NR6A1: variants seen among roughly 807,000 people sequenced by gnomAD.
NR6A1 encodes the protein nuclear receptor subfamily 6 group A member 1.
In NR6A1, 7 loss-of-function variants were observed where a neutral mutation model predicts 59.1. The observed-to-expected ratio is 0.12, with a 90% CI of 0.07 to 0.22. NR6A1 has a LOEUF of 0.22. NR6A1 is among the 10% of genes least tolerant of loss of function. The pLI is 1.00. For missense variants in NR6A1, 468 were observed against 611.6 expected, an observed-to-expected ratio of 0.77 and a Z score of 2.48; for synonymous variants, 243 against 236.1, an observed-to-expected ratio of 1.03 and a Z score of -0.27.
At position 124,738,169 on chromosome 9, in the gene NR6A1, G is replaced by C. The variant is rs556646962; in HGVS notation, c.101-4820C>G. Among the ~76,000 whole-genome samples, 8 of 151,954 alleles carry C rather than the reference G, an allele frequency of 5.3e-5. No individual in the cohort carries two copies. The East Asian group carries it at 1.6e-3, about 30-fold the overall frequency. On this transcript the variant is annotated intron_variant, in intron 1 of 9. Coordinates refer to ENST00000487099, the MANE Select transcript of NR6A1 (RefSeq NM_033334.4). ...CTCAGGAGGCTGAGGCAAGAGAATA[G>C]CTTTAACCTGGGAGGCGGAGGTTGC...
chr9:124,535,849 G>T lies in NR6A1; in HGVS notation c.1079+29C>A, dbSNP rs766364084. 3.1e-6 allele frequency: 5 copies of T among 1,611,938 alleles called. No homozygotes were observed. The Admixed American group carries it at 5.0e-5, about 16-fold the overall frequency. ...GGGATGACAATTGTTTGGTTGTTTG[G>T]TATTTCCTCCCCAGCCAGGAGGCCT... is the stretch of plus-strand genomic sequence containing the variant. On this transcript the variant is annotated intron_variant, in intron 7 of 9. Coordinates refer to ENST00000487099, the MANE Select transcript of NR6A1 (RefSeq NM_033334.4).
At chr9:124,561,346 G>A (rs1834079167) in intron 2 of NR6A1, among the ~76,000 whole-genome samples, 2 of 151,982 alleles carry the variant, frequency 1.3e-5, no homozygotes, top group South Asian at 4.2e-4. Flanking sequence ...GCTGAGGTAG[G>A]AGTATCACCT....
At chr9:124,701,927 G>A (rs2131049689) in intron 2 of NR6A1, among the ~76,000 whole-genome samples, 1 of 152,220 alleles carries the variant, frequency 6.6e-6, no homozygotes, top group Middle Eastern at 3.4e-3. Context: ...GTTTCACTAT[G>A]TTGGCCAGGC....
At chr9:124,622,412 A>G (rs1162053365) in intron 2 of NR6A1, among the ~76,000 whole-genome samples, 2 of 152,214 alleles carry the variant, frequency 1.3e-5, no homozygotes, top group Non-Finnish European at 1.5e-5. Flanking sequence ...GCAAAACAGC[A>G]AAGTTTCTTT....
intron 1 of NR6A1, among the ~76,000 whole-genome samples, chr9:124,762,615 T>A (rs61134436): frequency 0.018 from 2,762 of 152,306 alleles, 77 homozygotes; most frequent in African/African-American, 0.062. Flanking sequence ...AAAGGTTAGT[T>A]CAGTGTGAGT....
intron 9 of NR6A1, 107 bp downstream of exon 9, chr9:124,524,614 G>A: frequency 3.9e-6 from 5 of 1,280,990 alleles, no homozygotes; most frequent in Non-Finnish European, 5.4e-6. Context: ...CTTTCATGCA[G>A]TTGGTGATGG....
At chr9:124,707,079 A>G (rs972527493) in intron 2 of NR6A1, among the ~76,000 whole-genome samples, 4 of 151,800 alleles carry the variant, frequency 2.6e-5, no homozygotes, top group African/African-American at 9.7e-5. Flanking sequence ...TTTTGCCATT[A>G]TTTCTTCTAA....
intron 2 of NR6A1, among the ~76,000 whole-genome samples, chr9:124,666,909 A>G (rs888285706): frequency 6.6e-6 from 1 of 152,046 alleles, no homozygotes; most frequent in Non-Finnish European, 1.5e-5. Context: ...GGGAAATAAT[A>G]CCACTTTATA....
At chr9:124,655,136 A>G (rs1046372536) in intron 2 of NR6A1, among the ~76,000 whole-genome samples, 6 of 152,304 alleles carry the variant, frequency 3.9e-5, no homozygotes, top group Admixed American at 6.5e-5. Context: ...TTCATGAGCC[A>G]TATCAGAAGG....
chr9:124,526,776 C>A lies in NR6A1; in HGVS notation c.1201+3G>T, dbSNP rs1832950325. ...CGTCCCTTTTCCCACCCCAGCCACT[C>A]ACCTTGATTTAGGAAGTTAATTGCT... is the stretch of plus-strand genomic sequence containing the variant. On this transcript the variant is annotated splice_donor_region_variant and intron_variant, in intron 8 of 9. Transcript: ENST00000487099. 6.2e-7 allele frequency: 1 copy of A among 1,613,160 alleles called. No individual in the cohort carries two copies. Among genetic ancestry groups the A allele is most frequent in the Non-Finnish European group, 8.5e-7 (1 of 1,179,308 alleles).
chr9:124,648,310 C>G (rs892665914), intron 2 of NR6A1, among the ~76,000 whole-genome samples: 8 of 152,114 alleles, frequency 5.3e-5, no homozygotes, highest in Non-Finnish European at 8.8e-5. Context: ...CCAGCCTGGG[C>G]AACATAGCGA....
At chr9:124,622,153 T>C (rs1260438614) in intron 2 of NR6A1, among the ~76,000 whole-genome samples, 1 of 152,072 alleles carries the variant, frequency 6.6e-6, no homozygotes, top group Admixed American at 6.6e-5. Flanking sequence ...GAGGCAGAGG[T>C]TGCACTGAGC....
At chr9:124,555,060 T>C (rs1833886355) in intron 2 of NR6A1, among the ~76,000 whole-genome samples, 1 of 152,188 alleles carries the variant, frequency 6.6e-6, no homozygotes, top group Non-Finnish European at 1.5e-5. Context: ...GGAACTGCTG[T>C]AAGGCACAAA....
At chr9:124,682,200 C>T (rs1292657070) in intron 2 of NR6A1, among the ~76,000 whole-genome samples, 3 of 152,056 alleles carry the variant, frequency 2.0e-5, no homozygotes, top group Non-Finnish European at 4.4e-5. Context: ...CAGGGTTTCA[C>T]CATGTCGGCC....
chr9:124,745,981 C>CT (rs1840321348), intron 1 of NR6A1, among the ~76,000 whole-genome samples: 1 of 122,396 alleles, frequency 8.2e-6, no homozygotes, highest in South Asian at 2.6e-4. Flanking sequence ...GAGCCAGACT[C>CT]TGTCTCAAAA....
chr9:124,583,325 A>T (rs1834827566), intron 2 of NR6A1, among the ~76,000 whole-genome samples: 1 of 152,188 alleles, frequency 6.6e-6, no homozygotes. Context: ...ATAACTTCTT[A>T]CAACCACTTA....
intron 2 of NR6A1, among the ~76,000 whole-genome samples, chr9:124,601,284 TAAAC>T (rs912164795): frequency 8.3e-5 from 12 of 144,132 alleles, no homozygotes; most frequent in Non-Finnish European, 1.1e-4. Flanking sequence ...TCAAAACAAA[TAAAC>T]AAACAAAAAA....
At position 124,699,311 on chromosome 9, in the gene NR6A1, C is replaced by T. The variant is rs578041714; in HGVS notation, c.142+33997G>A. Reference sequence around the variant, plus strand: ...GTGCAAGATGTCTGGATAAAGTTAACCCATAACCCAGGGTTAAAAGAAGGC... The same window carrying T: ...GTGCAAGATGTCTGGATAAAGTTAATCCATAACCCAGGGTTAAAAGAAGGC... On this transcript the variant is annotated intron_variant, in intron 2 of 9. Transcript: ENST00000487099. Among the ~76,000 whole-genome samples the T allele has an allele frequency of 5.3e-5, 8 of 152,312 alleles. No individual in the cohort carries two copies. The South Asian group carries it at 1.7e-3, about 32-fold the overall frequency.
intron 2 of NR6A1, among the ~76,000 whole-genome samples, chr9:124,610,901 G>A (rs140395018): frequency 7.6e-4 from 116 of 152,138 alleles, no homozygotes; most frequent in Non-Finnish European, 1.4e-3. Context: ...GTTTATAATT[G>A]TATTTTTCAA....
Sources: allele counts gnomAD v4.1 joint callset (sites outside exome capture counted in the v4.1 genomes callset), GRCh38; gene constraint gnomAD v4.1.1; transcripts MANE v1.5; gene names NCBI Gene and HGNC (gene_info 2026-07-23, HGNC 2026-07-21).